The following ITFG1 variants were observed in gnomAD, a reference collection of about 807,000 sequenced individuals.
ITFG1 encodes the protein integrin alpha FG-GAP repeat containing 1.
In ITFG1, 34 loss-of-function variants were observed where a neutral mutation model predicts 81.8. That is an observed-to-expected ratio of 0.42 (90% confidence interval 0.32 to 0.55). The LOEUF is 0.55. ITFG1 is among the 20% of genes least tolerant of loss of function. ITFG1 has a pLI of 0.17. For synonymous variants in ITFG1, 285 were observed against 270.6 expected, an observed-to-expected ratio of 1.05 and a Z score of -0.52; for missense variants, 672 against 755.4, an observed-to-expected ratio of 0.89 and a Z score of 1.29.
intron 14 of ITFG1, among the ~76,000 whole-genome samples, chr16:47,214,131 G>A (rs1965597768): frequency 6.6e-6 from 1 of 152,166 alleles, no homozygotes; most frequent in Non-Finnish European, 1.5e-5. Context: ...AGAACAGGTT[G>A]ATGTGGGGTA....
chr16:47,432,878 A>T (rs1469348736), intron 5 of ITFG1, among the ~76,000 whole-genome samples: 1 of 152,228 alleles, frequency 6.6e-6, no homozygotes, highest in Non-Finnish European at 1.5e-5. Flanking sequence ...CTAACAAAAT[A>T]ATCAGACTTG....
At chr16:47,229,266 C>T (rs563297808) in intron 13 of ITFG1, among the ~76,000 whole-genome samples, 11 of 151,988 alleles carry the variant, frequency 7.2e-5, no homozygotes, top group Admixed American at 1.3e-4. Context: ...AATGCTTTCT[C>T]GGAGGAAATA....
At chr16:47,329,393 A>T (rs1401331089) in intron 8 of ITFG1, among the ~76,000 whole-genome samples, 2 of 152,154 alleles carry the variant, frequency 1.3e-5, no homozygotes, top group Admixed American at 1.3e-4. Flanking sequence ...AAATGCTACC[A>T]GCAGTCCACT....
At chr16:47,242,614 A>C in intron 12 of ITFG1, among the ~76,000 whole-genome samples, 1 of 152,218 alleles carries the variant, frequency 6.6e-6, no homozygotes, top group East Asian at 1.9e-4. Flanking sequence ...ACAATATGAA[A>C]TAAAAACAGG....
At chr16:47,329,881 T>C (rs567594667) in intron 8 of ITFG1, among the ~76,000 whole-genome samples, 1 of 152,066 alleles carries the variant, frequency 6.6e-6, no homozygotes, top group Non-Finnish European at 1.5e-5. Context: ...TCTTGGCACA[T>C]AAGAGCTAAA....
rs550240572 is a variant in ITFG1, at chr16:47,422,643, C to T, written c.655+6161G>A. ...TCCTGGACTTTCTTTGGTTGGTAGG[C>T]TATTAATTATTGCCTCAATTTCCAA... is the stretch of plus-strand genomic sequence containing the variant. On this transcript the variant is annotated intron_variant, in intron 6 of 17. Transcript: ENST00000320640. Among the ~76,000 whole-genome samples, 3 of 152,262 alleles carry T rather than the reference C, an allele frequency of 2.0e-5. No homozygotes were observed. The East Asian group carries it at 5.8e-4, about 29-fold the overall frequency.
chr16:47,264,798 T>G (rs144613628), intron 10 of ITFG1, among the ~76,000 whole-genome samples: 2 of 152,168 alleles, frequency 1.3e-5, no homozygotes, highest in South Asian at 4.1e-4. Context: ...CTCTTGACAG[T>G]TGAAGAGCTT....
intron 10 of ITFG1, among the ~76,000 whole-genome samples, chr16:47,264,591 C>CACAGAG (rs925255694): frequency 7.1e-6 from 1 of 140,486 alleles, no homozygotes. Flanking sequence ...CACACACACA[C>CACAGAG]AGAGATAGAG....
chr16:47,404,455 T>C (rs181933930), intron 6 of ITFG1, among the ~76,000 whole-genome samples: 7 of 152,284 alleles, frequency 4.6e-5, no homozygotes, highest in Admixed American at 2.6e-4. Flanking sequence ...TCATATAAGC[T>C]AAACAACATA....
intron 6 of ITFG1, among the ~76,000 whole-genome samples, chr16:47,415,949 C>A (rs1482981413): frequency 6.6e-6 from 1 of 152,052 alleles, no homozygotes; most frequent in Admixed American, 6.6e-5. Flanking sequence ...CAAAAATTAG[C>A]TGGGCATGGT....
chr16:47,284,262 A>G (rs1362903662), intron 10 of ITFG1, among the ~76,000 whole-genome samples: 2 of 152,228 alleles, frequency 1.3e-5, no homozygotes, highest in Non-Finnish European at 2.9e-5. Context: ...AAGTTGTTAA[A>G]CAATTATACA....
chr16:47,352,585 G>T (rs1208730897), intron 8 of ITFG1, among the ~76,000 whole-genome samples: 13 of 152,210 alleles, frequency 8.5e-5, no homozygotes, highest in Middle Eastern at 3.4e-3. Flanking sequence ...TGTGGAGAAA[G>T]AGGAACACTT....
At chr16:47,440,364 C>T (rs892253074) in intron 5 of ITFG1, among the ~76,000 whole-genome samples, 9 of 152,202 alleles carry the variant, frequency 5.9e-5, no homozygotes, top group Non-Finnish European at 7.3e-5. Context: ...ACTCTCCACC[C>T]CAAATCAACA....
At chr16:47,306,973 A>C (rs1020174396) in intron 10 of ITFG1, among the ~76,000 whole-genome samples, 1 of 151,694 alleles carries the variant, frequency 6.6e-6, no homozygotes, top group African/African-American at 2.4e-5. Flanking sequence ...GGGCGCCTCT[A>C]GTCCCAGCTA....
At chr16:47,427,025 C>G (rs187777518) in intron 6 of ITFG1, among the ~76,000 whole-genome samples, 12 of 152,092 alleles carry the variant, frequency 7.9e-5, no homozygotes, top group Non-Finnish European at 1.5e-5. Flanking sequence ...ATTTATCTTG[C>G]CTGTCTCAAC....
At position 47,324,295 on chromosome 16, in the gene ITFG1, T is replaced by C. The variant is rs531710649; in HGVS notation, c.803-10472A>G. Among the ~76,000 whole-genome samples, 349 of 151,902 alleles carry C rather than the reference T, an allele frequency of 2.3e-3. 1 individual carries two copies. Among genetic ancestry groups the C allele is most frequent in the Non-Finnish European group, 4.3e-3 (294 of 67,980 alleles). ...CCAGACAAGCAAATGCTGAGAGATT[T>C]TGTCACCACCAGGCCTGCCCTAAAA... On this transcript the variant is annotated intron_variant, in intron 8 of 17. Coordinates refer to ENST00000320640, the MANE Select transcript of ITFG1 (RefSeq NM_030790.5).
intron 12 of ITFG1, among the ~76,000 whole-genome samples, chr16:47,240,295 CAAAAAA>C (rs565661862): frequency 1.9e-5 from 1 of 52,442 alleles, no homozygotes; most frequent in African/African-American, 7.0e-5. Context: ...GATCCTGTCT[CAAAAAA>C]AAAAAAAAAA....
At chr16:47,163,938 C>T (rs1964849503) in intron 14 of ITFG1, among the ~76,000 whole-genome samples, 3 of 148,548 alleles carry the variant, frequency 2.0e-5, no homozygotes, top group East Asian at 1.9e-4. Context: ...CACACACACA[C>T]ACACACACAC....
At chr16:47,371,973 G>A (rs932136859) in intron 7 of ITFG1, among the ~76,000 whole-genome samples, 8 of 151,374 alleles carry the variant, frequency 5.3e-5, no homozygotes, top group Non-Finnish European at 1.0e-4. Context: ...GAGTACAGTG[G>A]TGCGATCTCG....
Sources: gnomAD v4.1 joint callset for allele counts (sites outside exome capture counted in the v4.1 genomes callset) on GRCh38, gnomAD v4.1.1 for gene constraint, MANE v1.5 for transcripts, NCBI Gene and HGNC (gene_info 2026-07-23, HGNC 2026-07-21) for gene names.